The following VWDE variants were observed in gnomAD, a reference collection of about 807,000 sequenced individuals.
The protein encoded by VWDE is von Willebrand factor D and EGF domain-containing protein.
Under a neutral mutation model 178.4 loss-of-function variants are expected in VWDE, and 207 were observed. The ratio of observed to expected loss-of-function variants is 1.16; its 90% CI spans 1.04 to 1.30. VWDE has a LOEUF of 1.30. VWDE is among the 50% of genes most tolerant of loss of function. The pLI, the probability that VWDE is intolerant of heterozygous loss-of-function variation, is 0.00. For synonymous variants in VWDE, 738 were observed against 651.4 expected (o/e 1.13, Z -2.02); for missense variants, 2,287 against 1,901.3 (o/e 1.20, Z -3.77).
At chr7:12,349,153 C>A (rs571726150) in intron 19 of VWDE, among the ~76,000 whole-genome samples, 1 of 151,886 alleles carries the variant, frequency 6.6e-6, no homozygotes, top group Non-Finnish European at 1.5e-5. Context: ...GTGCAGCGCA[C>A]CAGCATGGCA....
At chr7:12,391,172 A>G (rs1372725070) in intron 2 of VWDE, among the ~76,000 whole-genome samples, 1 of 152,236 alleles carries the variant, frequency 6.6e-6, no homozygotes, top group Non-Finnish European at 1.5e-5. Flanking sequence ...AAACAATAGC[A>G]AAATGTTAAT....
chr7:12,348,363 T>C (rs1215691378), intron 19 of VWDE, among the ~76,000 whole-genome samples: 2 of 146,138 alleles, frequency 1.4e-5, no homozygotes, highest in Admixed American at 6.9e-5. Context: ...TACAATGAAC[T>C]CAAACAAATT....
chr7:12,346,919 CCAAAAACAA>C (rs776625475), intron 19 of VWDE, among the ~76,000 whole-genome samples: 7 of 151,812 alleles, frequency 4.6e-5, no homozygotes, highest in Non-Finnish European at 1.0e-4. Context: ...AGAAAATGAA[CCAAAAACAA>C]CAAAAATAAT....
chr7:12,378,988 T>A (rs1017610934), intron 6 of VWDE, among the ~76,000 whole-genome samples: 6 of 152,138 alleles, frequency 3.9e-5, no homozygotes, highest in Non-Finnish European at 5.9e-5. Flanking sequence ...TCATCTCTGC[T>A]CATCTGCTAG....
At chr7:12,341,617 G>A (rs1781334105) in intron 23 of VWDE, among the ~76,000 whole-genome samples, 1 of 139,824 alleles carries the variant, frequency 7.2e-6, no homozygotes, top group East Asian at 2.1e-4. Context: ...GGGCGACAGA[G>A]TGAGACTCTG....
intron 16 of VWDE, 32 bp downstream of exon 16, chr7:12,359,546 G>A: frequency 1.4e-6 from 2 of 1,402,674 alleles, no homozygotes; most frequent in Non-Finnish European, 2.0e-6. Flanking sequence ...GTCTTGTATA[G>A]GAAATATTTG....
At position 12,356,446 on chromosome 7, in the gene VWDE, T is replaced by C. The variant is rs531733636; in HGVS notation, c.3526-116A>G. ...TGTACAAGTATGACCAAATCACTTA[T>C]ATTTGATATATATACACACACACAC... is the stretch of plus-strand genomic sequence containing the variant. On this transcript the variant is annotated intron_variant, in intron 17 of 28. Coordinates refer to ENST00000275358, the MANE Select transcript of VWDE (RefSeq NM_001135924.3). 27 of 705,494 alleles carry C rather than the reference T, an allele frequency of 3.8e-5. No homozygotes were observed. The Admixed American group carries it at 7.4e-4, about 19-fold the overall frequency. 43.7% of individuals were successfully genotyped at this position (705,494 alleles called of 1,614,324 possible). A position where few individuals can be genotyped will look rare whatever the true frequency, so the allele number is the denominator to read the frequency against.
intron 3 of VWDE, among the ~76,000 whole-genome samples, chr7:12,386,161 G>A (rs1784090000): frequency 6.6e-6 from 1 of 151,946 alleles, no homozygotes; most frequent in Non-Finnish European, 1.5e-5. Flanking sequence ...ACAAATATTT[G>A]GTAATATTAT....
intron 4 of VWDE, 119 bp downstream of exon 4, chr7:12,383,417 A>G: frequency 2.5e-6 from 2 of 803,012 alleles, no homozygotes; most frequent in Non-Finnish European, 2.0e-6. Context: ...GATAGCTACC[A>G]GACTTTGGTT....
intron 2 of VWDE, 98 bp downstream of exon 2, chr7:12,393,496 A>T: frequency 9.3e-7 from 1 of 1,077,370 alleles, no homozygotes; most frequent in Non-Finnish European, 1.3e-6. Context: ...TTAAAACAAC[A>T]TTTTAGCATG....
intron 2 of VWDE, among the ~76,000 whole-genome samples, chr7:12,393,052 G>A (rs1422577951): frequency 6.6e-6 from 1 of 152,118 alleles, no homozygotes; most frequent in Non-Finnish European, 1.5e-5. Context: ...GAAAATACCT[G>A]GAGATTTCAC....
intron 18 of VWDE, chr7:12,354,322 T>C: frequency 2.5e-6 from 1 of 402,108 alleles, no homozygotes; most frequent in Non-Finnish European, 4.8e-6. Flanking sequence ...GCAAAAAAAA[T>C]CTCATAGCAG....
chr7:12,378,891 T>C (rs1228560769), intron 6 of VWDE, among the ~76,000 whole-genome samples: 4 of 152,158 alleles, frequency 2.6e-5, no homozygotes, highest in Admixed American at 2.6e-4. Flanking sequence ...TCGAGTCCTG[T>C]GGGTGAGACC....
At chr7:12,399,031 C>A (rs1784757534) in intron 1 of VWDE, among the ~76,000 whole-genome samples, 1 of 151,874 alleles carries the variant, frequency 6.6e-6, no homozygotes, top group Admixed American at 6.6e-5. Context: ...CACATGTACT[C>A]CTTGAGAATC....
chr7:12,385,285 C>G (rs1784045489), intron 3 of VWDE, among the ~76,000 whole-genome samples: 2 of 152,112 alleles, frequency 1.3e-5, no homozygotes, highest in African/African-American at 4.8e-5. Context: ...AATATTATGA[C>G]TCCTAGCTAG....
chr7:12,376,551 C>T (rs184337144), intron 7 of VWDE, among the ~76,000 whole-genome samples: 2 of 152,114 alleles, frequency 1.3e-5, no homozygotes, highest in East Asian at 3.9e-4. Context: ...TAAAGTATAC[C>T]TGTAACTGAA....
chr7:12,349,210 A>G (rs1238283027), intron 19 of VWDE, among the ~76,000 whole-genome samples: 1 of 151,124 alleles, frequency 6.6e-6, no homozygotes, highest in Non-Finnish European at 1.5e-5. Flanking sequence ...CATGTACCCT[A>G]AAACTTAAAG....
rs1028200207 is a variant in VWDE at position 12,370,916 on chromosome 7, C to T, written c.1588-52G>A. The T allele has an allele frequency of 4.5e-6, 6 of 1,331,518 alleles. No homozygotes were observed. In the African/African-American group the frequency reaches 6.0e-5, roughly 13 times the overall value. 82.5% of individuals were successfully genotyped at this position (1,331,518 alleles called of 1,614,324 possible). A position where few individuals can be genotyped will look rare whatever the true frequency, so the allele number is the denominator to read the frequency against. On this transcript the variant is annotated intron_variant, in intron 10 of 28. Coordinates refer to ENST00000275358, the MANE Select transcript of VWDE (RefSeq NM_001135924.3). ...TAAAAGATGTTGAAGCAATATTCAACCTGGATTAAGAAAAATCTATTATTT... is the reference window on the plus strand; with the variant it reads ...TAAAAGATGTTGAAGCAATATTCAATCTGGATTAAGAAAAATCTATTATTT...
chr7:12,379,741 A>G (rs950668439), intron 5 of VWDE, among the ~76,000 whole-genome samples, 175 bp from the exon 6 acceptor site: 2 of 152,202 alleles, frequency 1.3e-5, no homozygotes, highest in African/African-American at 4.8e-5. Flanking sequence ...TCATTATAAA[A>G]TATGACGTAT....
Sources: allele counts gnomAD v4.1 joint callset (sites outside exome capture counted in the v4.1 genomes callset), GRCh38; gene constraint gnomAD v4.1.1; transcripts MANE v1.5; gene names NCBI Gene and HGNC (gene_info 2026-07-23, HGNC 2026-07-21).